Variants in MBD5 observed in about 807,000 individuals in gnomAD.
The protein encoded by MBD5 is methyl-CpG-binding domain protein 5.
Under a neutral mutation model 117.3 loss-of-function variants are expected in MBD5, and 13 were observed. That is an observed-to-expected ratio of 0.11 (90% CI 0.07 to 0.18). MBD5 has a LOEUF of 0.18. Among genes scored for constraint, MBD5 ranks in the 10% least tolerant of loss-of-function variants. MBD5 has a pLI of 1.00. For synonymous variants in MBD5, 727 were observed against 766.4 expected, an observed-to-expected ratio of 0.95 and a Z score of 0.85; for missense variants, 1,879 against 2,093.8, an observed-to-expected ratio of 0.90 and a Z score of 2.00.
At chr2:148,095,567 CTT>C (rs1696048716) in intron 1 of MBD5, among the ~76,000 whole-genome samples, 1 of 152,022 alleles carries the variant, frequency 6.6e-6, no homozygotes, top group Non-Finnish European at 1.5e-5. Flanking sequence ...TGATTCCTCT[CTT>C]ATAAAAGGTG....
At chr2:148,408,806 G>A (rs1407679771) in intron 4 of MBD5, among the ~76,000 whole-genome samples, 1 of 151,790 alleles carries the variant, frequency 6.6e-6, no homozygotes, top group African/African-American at 2.4e-5. Context: ...AATTACATAT[G>A]TACTGAACAT....
chr2:148,349,166 G>A (rs536221882), intron 4 of MBD5, among the ~76,000 whole-genome samples: 3 of 151,868 alleles, frequency 2.0e-5, no homozygotes, highest in Non-Finnish European at 4.4e-5. Flanking sequence ...AAAGCGCTAC[G>A]CTAAATTCTA....
chr2:148,286,751 AG>A lies in MBD5; in HGVS notation c.-680+53357del, dbSNP rs1486308589. ...GTTGTTATTATCTAAGAATAATTGC[AG>A]CCAGGACAAGGAATCTAAATGAAAT... On this transcript the variant is annotated intron_variant, in intron 3 of 13. Coordinates refer to ENST00000642680, the MANE Select transcript of MBD5 (RefSeq NM_001378120.1). Among the ~76,000 whole-genome samples the A allele has an allele frequency of 7.2e-5, 11 of 152,334 alleles. No individual in the cohort carries two copies. In the East Asian group the frequency reaches 1.2e-3, roughly 16 times the overall value.
At chr2:148,258,161 G>A (rs1017164520) in intron 3 of MBD5, among the ~76,000 whole-genome samples, 13 of 152,100 alleles carry the variant, frequency 8.5e-5, no homozygotes, top group East Asian at 1.9e-4. Flanking sequence ...GTGTATGTCC[G>A]TGCAGCACCA....
chr2:148,320,862 T>C (rs1702264875), intron 3 of MBD5, among the ~76,000 whole-genome samples: 1 of 152,188 alleles, frequency 6.6e-6, no homozygotes, highest in Non-Finnish European at 1.5e-5. Context: ...CCCTTTTCAT[T>C]TCTGATTGTG....
chr2:148,085,101 A>C (rs1294963719), intron 1 of MBD5, among the ~76,000 whole-genome samples: 3 of 152,194 alleles, frequency 2.0e-5, no homozygotes, highest in Admixed American at 6.5e-5. Context: ...ACAACACAGC[A>C]GGTTATGCCC....
At chr2:148,146,005 T>G (rs917544282) in intron 1 of MBD5, among the ~76,000 whole-genome samples, 3 of 152,018 alleles carry the variant, frequency 2.0e-5, no homozygotes, top group Non-Finnish European at 2.9e-5. Flanking sequence ...TATTGATTGG[T>G]ACCATTCCTT....
intron 3 of MBD5, among the ~76,000 whole-genome samples, chr2:148,280,131 C>CAAAAAAAAAA (rs3076398): frequency 3.9e-4 from 36 of 91,850 alleles, no homozygotes; most frequent in East Asian, 1.0e-3. Context: ...AAACTAACTG[C>CAAAAAAAAAA]AAAAAAAAAA....
chr2:148,469,341 A>C lies in MBD5; in HGVS notation c.1398A>C (p.Ser466=), dbSNP rs1033939476. Residue 466 remains serine (S), a synonymous_variant, in exon 8 of 14, where the codon TCA becomes TCC. Transcript: ENST00000642680. ...SPQRSRSSST[S]SDHGNFMMPP... ...AAAGATCACGCTCATCTTCCACATC[A>C]TCAGATCATGGAAATTTCATGATGC... 2 of 1,613,760 alleles carry C rather than the reference A, an allele frequency of 1.2e-6. No homozygotes were observed. Among genetic ancestry groups the C allele is most frequent in the South Asian group, 1.1e-5 (1 of 91,074 alleles).
intron 1 of MBD5, among the ~76,000 whole-genome samples, chr2:148,120,054 C>A (rs1696731442): frequency 1.3e-5 from 2 of 152,106 alleles, no homozygotes; most frequent in Non-Finnish European, 1.5e-5. Context: ...GTATCTGGGA[C>A]TACAGGCGCA....
At chr2:148,339,706 C>T (rs1375740901) in intron 3 of MBD5, among the ~76,000 whole-genome samples, 1 of 152,008 alleles carries the variant, frequency 6.6e-6, no homozygotes, top group Non-Finnish European at 1.5e-5. Context: ...TCTTTCGTTC[C>T]TACAAATGAC....
chr2:148,386,154 C>G (rs963865457), intron 4 of MBD5, among the ~76,000 whole-genome samples: 7 of 151,398 alleles, frequency 4.6e-5, no homozygotes, highest in African/African-American at 1.7e-4. Context: ...ATTAAATGAC[C>G]TAGATTTTCA....
chr2:148,074,562 G>A (rs1246869016), intron 1 of MBD5, among the ~76,000 whole-genome samples: 4 of 137,548 alleles, frequency 2.9e-5, no homozygotes, highest in Admixed American at 1.6e-4. Context: ...GTGCAGTGTC[G>A]CCATCTCGGC....
intron 4 of MBD5, among the ~76,000 whole-genome samples, chr2:148,452,221 C>T (rs1706749240): frequency 6.6e-6 from 1 of 152,096 alleles, no homozygotes; most frequent in Non-Finnish European, 1.5e-5. Context: ...TTAAGCCAAG[C>T]ACGGTGGCTC....
intron 4 of MBD5, among the ~76,000 whole-genome samples, chr2:148,443,745 G>A (rs1706403253): frequency 6.6e-6 from 1 of 151,170 alleles, no homozygotes; most frequent in Non-Finnish European, 1.5e-5. Flanking sequence ...CCAGAGGCTG[G>A]GAAGGGTAGT....
chr2:148,472,582 A>T (rs1680830676), intron 8 of MBD5: 1 of 152,142 alleles, frequency 6.6e-6, no homozygotes, highest in Non-Finnish European at 1.5e-5. Flanking sequence ...GAACTGTGTC[A>T]ACTCAATGTA....
intron 1 of MBD5, among the ~76,000 whole-genome samples, chr2:148,080,790 A>G (rs1695629239): frequency 6.6e-6 from 1 of 152,204 alleles, no homozygotes; most frequent in Admixed American, 6.5e-5. Flanking sequence ...CTATGTAAAT[A>G]TGCAATGGTT....
intron 1 of MBD5, among the ~76,000 whole-genome samples, chr2:148,136,699 G>A (rs1697179044): frequency 6.6e-6 from 1 of 152,110 alleles, no homozygotes; most frequent in African/African-American, 2.4e-5. Flanking sequence ...TTAGGCAGTA[G>A]CTGGCTTTAT....
intron 1 of MBD5, among the ~76,000 whole-genome samples, chr2:148,145,996 A>G (rs770427914): frequency 1.3e-5 from 2 of 152,248 alleles, no homozygotes; most frequent in South Asian, 2.1e-4. Flanking sequence ...CTCTTTTTCT[A>G]TTGATTGGTA....
Sources: gnomAD v4.1 joint callset for allele counts (sites outside exome capture counted in the v4.1 genomes callset) on GRCh38, gnomAD v4.1.1 for gene constraint, MANE v1.5 for transcripts, NCBI Gene and HGNC (gene_info 2026-07-23, HGNC 2026-07-21) for gene names.